The following CACNA2D3 variants were observed in gnomAD, a reference collection of about 807,000 sequenced individuals.
CACNA2D3 encodes voltage-dependent calcium channel subunit alpha-2/delta-3.
A neutral mutation model predicts 160.6 loss-of-function variants in CACNA2D3; 60 were observed. The observed-to-expected ratio is 0.37, with a 90% CI of 0.30 to 0.46. CACNA2D3 has a LOEUF of 0.46. Among genes scored for constraint, CACNA2D3 ranks in the 20% least tolerant of loss-of-function variants. The pLI, the probability that CACNA2D3 is intolerant of heterozygous loss-of-function variation, is 1.00. For missense variants in CACNA2D3, 1,205 were observed against 1,365.0 expected (o/e 0.88, Z 1.85); for synonymous variants, 558 against 492.9 (o/e 1.13, Z -1.75).
chr3:54,407,642 A>C (rs1198073350), intron 4 of CACNA2D3, among the ~76,000 whole-genome samples: 1 of 152,216 alleles, frequency 6.6e-6, no homozygotes, highest in Non-Finnish European at 1.5e-5. Flanking sequence ...AGTAGGCATT[A>C]TAACTTGTGA....
chr3:54,391,132 G>A (rs1004394621), intron 4 of CACNA2D3, among the ~76,000 whole-genome samples: 1 of 152,172 alleles, frequency 6.6e-6, no homozygotes, highest in Non-Finnish European at 1.5e-5. Flanking sequence ...TTAGACTGGA[G>A]ACGTTGCATC....
At chr3:54,331,902 G>C (rs192446640) in intron 3 of CACNA2D3, among the ~76,000 whole-genome samples, 1 of 152,040 alleles carries the variant, frequency 6.6e-6, no homozygotes, top group African/African-American at 2.4e-5. Flanking sequence ...TCATAGAATC[G>C]GCAAATGAAA....
chr3:54,339,204 G>T (rs1391867377), intron 3 of CACNA2D3, among the ~76,000 whole-genome samples: 1 of 152,158 alleles, frequency 6.6e-6, no homozygotes, highest in Non-Finnish European at 1.5e-5. Flanking sequence ...CTCTGTGAAT[G>T]TGCCAACCTC....
chr3:54,801,947 C>G (rs967556078), intron 13 of CACNA2D3, among the ~76,000 whole-genome samples: 7 of 152,228 alleles, frequency 4.6e-5, no homozygotes, highest in African/African-American at 1.7e-4. Flanking sequence ...ACCCATAAGT[C>G]TTTCCAACAA....
chr3:55,056,566 A>G (rs1286131645), intron 35 of CACNA2D3, among the ~76,000 whole-genome samples: 1 of 152,226 alleles, frequency 6.6e-6, no homozygotes, highest in African/African-American at 2.4e-5. Context: ...AGTGTTCATC[A>G]ATAGATGAAT....
chr3:54,973,814 T>C (rs1392751936), intron 29 of CACNA2D3, among the ~76,000 whole-genome samples: 1 of 152,184 alleles, frequency 6.6e-6, no homozygotes, highest in East Asian at 1.9e-4. Context: ...AATGCAAAGA[T>C]AGAGCAAATG....
At chr3:54,764,758 A>G (rs75893239) in intron 13 of CACNA2D3, among the ~76,000 whole-genome samples, 1,749 of 152,272 alleles carry the variant, frequency 0.011, 36 homozygotes, top group African/African-American at 0.04. Flanking sequence ...GCTCAGCTCT[A>G]ATAATGAATT....
chr3:54,902,364 A>G (rs1700354545), intron 27 of CACNA2D3, among the ~76,000 whole-genome samples: 1 of 152,168 alleles, frequency 6.6e-6, no homozygotes, highest in Non-Finnish European at 1.5e-5. Context: ...AAACAAAAAC[A>G]TTTAGATACT....
intron 2 of CACNA2D3, among the ~76,000 whole-genome samples, chr3:54,257,344 C>T (rs980832310): frequency 1.3e-5 from 2 of 152,224 alleles, no homozygotes; most frequent in African/African-American, 4.8e-5. Flanking sequence ...GCCAGGATGA[C>T]AAGCGTGAAA....
At chr3:54,391,766 C>T (rs1450990821) in intron 4 of CACNA2D3, among the ~76,000 whole-genome samples, 2 of 152,134 alleles carry the variant, frequency 1.3e-5, no homozygotes, top group African/African-American at 4.8e-5. Flanking sequence ...CTGACTTGGC[C>T]TCCCAAAGTG....
chr3:54,305,326 A>G (rs1397959384), intron 2 of CACNA2D3, among the ~76,000 whole-genome samples: 1 of 152,184 alleles, frequency 6.6e-6, no homozygotes, highest in Non-Finnish European at 1.5e-5. Flanking sequence ...CATTAATTCT[A>G]CCCTGTGACC....
intron 2 of CACNA2D3, among the ~76,000 whole-genome samples, chr3:54,303,528 T>C (rs1703526488): frequency 6.6e-6 from 1 of 152,214 alleles, no homozygotes; most frequent in Non-Finnish European, 1.5e-5. Context: ...TTTGCACATA[T>C]GCACTGTGCT....
At chr3:54,153,261 C>T (rs1700184675) in intron 2 of CACNA2D3, among the ~76,000 whole-genome samples, 1 of 152,196 alleles carries the variant, frequency 6.6e-6, no homozygotes, top group Non-Finnish European at 1.5e-5. Flanking sequence ...AAGCTCTGAC[C>T]ACAGCAGTTG....
chr3:54,188,924 AG>A (rs370853963), intron 2 of CACNA2D3, among the ~76,000 whole-genome samples: 8 of 152,350 alleles, frequency 5.3e-5, no homozygotes, highest in African/African-American at 1.7e-4. Context: ...CCAGCAACTC[AG>A]GATAATGGAT....
At chr3:54,906,675 G>T (rs750452459) in intron 27 of CACNA2D3, among the ~76,000 whole-genome samples, 6 of 152,194 alleles carry the variant, frequency 3.9e-5, no homozygotes, top group Non-Finnish European at 8.8e-5. Context: ...AGCTGACCCA[G>T]GGAAAGTGGG....
rs529290447 is a variant in CACNA2D3, at chr3:54,966,020, A to T, written c.2450-2430A>T. On this transcript the variant is annotated intron_variant, in intron 27 of 37. Transcript: ENST00000474759. ...GCGCCCCAAGGAGCTGGGGTAGAGG[A>T]CCGACAGGGGCAGATGAGAACAGAC... 3.9e-5 allele frequency among the ~76,000 whole-genome samples: 6 copies of T among 152,254 alleles called. No homozygotes were observed. The East Asian group carries it at 9.7e-4, about 25-fold the overall frequency.
At chr3:55,066,506 C>G (rs78063392) in intron 35 of CACNA2D3, among the ~76,000 whole-genome samples, 8 of 152,102 alleles carry the variant, frequency 5.3e-5, no homozygotes, top group Admixed American at 2.6e-4. Flanking sequence ...CTCCCCATCC[C>G]GCGTGCTTGT....
intron 27 of CACNA2D3, among the ~76,000 whole-genome samples, chr3:54,966,547 C>T (rs1276393387): frequency 6.6e-6 from 1 of 152,198 alleles, no homozygotes; most frequent in Non-Finnish European, 1.5e-5. Flanking sequence ...AAGCCAGCCA[C>T]ATGGCTCACA....
chr3:54,512,484 C>T (rs1350594982), intron 5 of CACNA2D3, among the ~76,000 whole-genome samples: 3 of 152,204 alleles, frequency 2.0e-5, no homozygotes, highest in Non-Finnish European at 4.4e-5. Context: ...TGGCTTATGC[C>T]TGGGAATATC....
Sources: gnomAD v4.1 joint callset for allele counts (sites outside exome capture counted in the v4.1 genomes callset) on GRCh38, gnomAD v4.1.1 for gene constraint, MANE v1.5 for transcripts, NCBI Gene and HGNC (gene_info 2026-07-23, HGNC 2026-07-21) for gene names.